The following LIMA1 variants were observed in gnomAD, a reference collection of about 807,000 sequenced individuals.
LIMA1 encodes the protein LIM domain and actin binding 1, also known as LIM domain and actin-binding protein 1.
LIMA1 carries 52 observed loss-of-function variants against 62.6 expected under a neutral mutation model. The observed-to-expected ratio is 0.83, with a 90% CI of 0.67 to 1.05. The LOEUF (loss-of-function observed/expected upper bound fraction) is 1.05, where lower values mean the gene tolerates loss of function less well. Among genes scored for constraint, LIMA1 ranks in the 50% least tolerant of loss-of-function variants. LIMA1 has a pLI of 0.00. For synonymous variants in LIMA1, 302 were observed against 317.8 expected (o/e 0.95, Z 0.53); for missense variants, 780 against 902.2 (o/e 0.86, Z 1.74).
At chr12:50,221,693 A>G (rs575992121) in intron 4 of LIMA1, among the ~76,000 whole-genome samples, 1 of 152,324 alleles carries the variant, frequency 6.6e-6, no homozygotes, top group South Asian at 2.1e-4. Flanking sequence ...TTCCACCCCC[A>G]AAGCTACAAA....
At chr12:50,250,733 C>T (rs1192886923) in intron 1 of LIMA1, among the ~76,000 whole-genome samples, 1 of 152,086 alleles carries the variant, frequency 6.6e-6, no homozygotes. Flanking sequence ...TGTTGGAAGG[C>T]ATAGTATGCC....
At chr12:50,270,175 C>T (rs868596795) in intron 1 of LIMA1, among the ~76,000 whole-genome samples, 8 of 126,816 alleles carry the variant, frequency 6.3e-5, no homozygotes, top group Admixed American at 1.0e-4. Context: ...GCAGAAGTTG[C>T]GATGAGCCGA....
intron 4 of LIMA1, among the ~76,000 whole-genome samples, chr12:50,221,109 C>G (rs1482378014): frequency 6.6e-6 from 1 of 152,028 alleles, no homozygotes; most frequent in Non-Finnish European, 1.5e-5. Flanking sequence ...ATATTACTTT[C>G]CAAACATAGG....
At chr12:50,260,078 A>T (rs1012287310) in intron 1 of LIMA1, among the ~76,000 whole-genome samples, 6 of 151,338 alleles carry the variant, frequency 4.0e-5, no homozygotes, top group African/African-American at 1.5e-4. Flanking sequence ...ATCAAAAGTC[A>T]CTTATTCCAC....
intron 1 of LIMA1, among the ~76,000 whole-genome samples, chr12:50,274,108 C>T (rs776304089): frequency 1.2e-4 from 18 of 152,126 alleles, no homozygotes; most frequent in Non-Finnish European, 2.2e-4. Context: ...GATTTGAACC[C>T]AGATGGACCG....
At chr12:50,221,306 C>G (rs374444200) in intron 4 of LIMA1, among the ~76,000 whole-genome samples, 1 of 151,960 alleles carries the variant, frequency 6.6e-6, no homozygotes, top group East Asian at 1.9e-4. Context: ...AATTTACCAG[C>G]TCTGTGGCCT....
chr12:50,240,842 C>T (rs967875866), intron 2 of LIMA1, among the ~76,000 whole-genome samples: 7 of 151,878 alleles, frequency 4.6e-5, no homozygotes, highest in Admixed American at 3.9e-4. Context: ...TGAGAAGATG[C>T]CTGGAACTCA....
chr12:50,183,823 A>AC (rs1408481932), intron 9 of LIMA1, among the ~76,000 whole-genome samples: 7 of 151,040 alleles, frequency 4.6e-5, no homozygotes, highest in Non-Finnish European at 8.9e-5. Flanking sequence ...AAAAAAAAAA[A>AC]AAAAAAAAAA....
chr12:50,250,167 G>A (rs906049619), intron 1 of LIMA1, among the ~76,000 whole-genome samples: 3 of 151,694 alleles, frequency 2.0e-5, no homozygotes, highest in East Asian at 3.9e-4. Context: ...GAGTGGTAGC[G>A]CATGCCTATA....
chr12:50,215,713 T>G (rs1941333254), intron 4 of LIMA1, among the ~76,000 whole-genome samples: 1 of 152,030 alleles, frequency 6.6e-6, no homozygotes, highest in Non-Finnish European at 1.5e-5. Flanking sequence ...GACCTCGTGA[T>G]CCGCCTGCCT....
intron 9 of LIMA1, among the ~76,000 whole-genome samples, chr12:50,184,676 G>T (rs1463217421): frequency 1.3e-5 from 2 of 152,140 alleles, no homozygotes; most frequent in Admixed American, 6.6e-5. Flanking sequence ...ATATTAAAAA[G>T]CAGAATAAAT....
At chr12:50,275,130 G>A (rs891998456) in intron 1 of LIMA1, among the ~76,000 whole-genome samples, 2 of 152,032 alleles carry the variant, frequency 1.3e-5, no homozygotes, top group Admixed American at 1.3e-4. Context: ...GCTGAGGTGG[G>A]CAGATCACTT....
intron 7 of LIMA1, among the ~76,000 whole-genome samples, chr12:50,198,193 G>A (rs1440826580): frequency 2.0e-5 from 3 of 152,130 alleles, no homozygotes; most frequent in East Asian, 3.8e-4. Context: ...TATATCTCAT[G>A]AGTTCCTGTT....
intron 9 of LIMA1, among the ~76,000 whole-genome samples, chr12:50,184,615 C>G (rs529305593): frequency 1.4e-4 from 21 of 152,210 alleles, no homozygotes; most frequent in African/African-American, 5.1e-4. Context: ...GCCCTCCAGC[C>G]TTGGAGACAG....
intron 1 of LIMA1, among the ~76,000 whole-genome samples, chr12:50,251,583 TGCAC>T (rs1269747980): frequency 7.1e-6 from 1 of 141,108 alleles, no homozygotes; most frequent in African/African-American, 2.7e-5. Context: ...ATCATGCCAC[TGCAC>T]TCCAGCCTGG....
At chr12:50,270,556 G>A (rs1458662843) in intron 1 of LIMA1, among the ~76,000 whole-genome samples, 1 of 129,686 alleles carries the variant, frequency 7.7e-6, no homozygotes, top group Non-Finnish European at 1.5e-5. Context: ...AGTGAATCCA[G>A]ATCACGCCAC....
intron 2 of LIMA1, among the ~76,000 whole-genome samples, chr12:50,247,604 A>AATTATTATTATTATTATTATTATT (rs111550387): frequency 0.011 from 1,584 of 140,598 alleles, 9 homozygotes; most frequent in East Asian, 0.019. Flanking sequence ...TAAATGCTGG[A>AATTATTATTATTATTATTATTATT]ATTATTATTA....
intron 1 of LIMA1, among the ~76,000 whole-genome samples, chr12:50,263,052 C>T (rs746583880): frequency 6.6e-6 from 1 of 152,136 alleles, no homozygotes; most frequent in East Asian, 1.9e-4. Flanking sequence ...CATCTAGGTT[C>T]ACCTAGTACT....
chr12:50,242,765 T>A (rs1018990608), intron 2 of LIMA1, among the ~76,000 whole-genome samples: 1 of 152,172 alleles, frequency 6.6e-6, no homozygotes, highest in African/African-American at 2.4e-5. Context: ...TTACAAGGGA[T>A]CAAAGCAGGA....
Sources: gnomAD v4.1 joint callset for allele counts (sites outside exome capture counted in the v4.1 genomes callset) on GRCh38, gnomAD v4.1.1 for gene constraint, MANE v1.5 for transcripts, NCBI Gene and HGNC (gene_info 2026-07-23, HGNC 2026-07-21) for gene names.